Variants in NUDT9 observed in about 807,000 individuals in gnomAD.
NUDT9 encodes the protein nudix hydrolase 9.
NUDT9 carries 31 observed loss-of-function variants against 41.0 expected under a neutral mutation model. The ratio of observed to expected loss-of-function variants is 0.76; its 90% confidence interval spans 0.57 to 1.02. NUDT9 has a LOEUF of 1.02. Among genes scored for constraint, NUDT9 ranks in the 50% least tolerant of loss-of-function variants. NUDT9 has a pLI of 0.00. For missense variants in NUDT9, 380 were observed against 431.4 expected (o/e 0.88, Z 1.06); for synonymous variants, 146 against 147.6 (o/e 0.99, Z 0.08).
intron 4 of NUDT9, among the ~76,000 whole-genome samples, chr4:87,442,869 A>G (rs1722275435): frequency 6.6e-6 from 1 of 152,214 alleles, no homozygotes; most frequent in African/African-American, 2.4e-5. Flanking sequence ...TCCTATGATA[A>G]TAACGCCTTC....
intron 5 of NUDT9, among the ~76,000 whole-genome samples, chr4:87,450,946 A>T (rs1229200323): frequency 6.6e-6 from 1 of 152,206 alleles, no homozygotes; most frequent in Non-Finnish European, 1.5e-5. Flanking sequence ...CTCCCATTCC[A>T]GTTGGAGAGA....
At chr4:87,423,226 G>A (rs1294024858) in intron 1 of NUDT9, among the ~76,000 whole-genome samples, 2 of 152,146 alleles carry the variant, frequency 1.3e-5, no homozygotes, top group Admixed American at 6.5e-5. Flanking sequence ...TTTGAAATTT[G>A]CCATTCTCTG....
intron 1 of NUDT9, among the ~76,000 whole-genome samples, chr4:87,431,908 A>G (rs1467179220): frequency 6.6e-6 from 1 of 152,164 alleles, no homozygotes; most frequent in African/African-American, 2.4e-5. Context: ...CTGGTCTTGA[A>G]CTGCTGACCT....
chr4:87,439,683 A>G (rs1199512239), intron 3 of NUDT9, among the ~76,000 whole-genome samples: 1 of 152,040 alleles, frequency 6.6e-6, no homozygotes, highest in Non-Finnish European at 1.5e-5. Context: ...AAAAACCATC[A>G]GCTCTCATGA....
chr4:87,427,306 A>T (rs902500359), intron 1 of NUDT9, among the ~76,000 whole-genome samples: 12 of 152,280 alleles, frequency 7.9e-5, no homozygotes, highest in Non-Finnish European at 1.0e-4. Context: ...TGCATTTTTA[A>T]AAGTTTGCCA....
In NUDT9 at chr4:87,459,328, C is replaced by T. The variant is rs1723114864; in HGVS notation, c.*1307C>T. 6.6e-6 allele frequency: 1 copy of T among 152,106 alleles called. No individual in the cohort carries two copies. Among genetic ancestry groups the T allele is most frequent in the Non-Finnish European group, 1.5e-5 (1 of 68,030 alleles). 9.4% of individuals were successfully genotyped at this position (152,106 alleles called of 1,614,324 possible). On this transcript the variant is annotated 3_prime_UTR_variant, in exon 8 of 8. Coordinates refer to ENST00000302174, the MANE Select transcript of NUDT9 (RefSeq NM_024047.5). ...GATCAGGAAAAATAACTAATGAGTA[C>T]TAGGCTTAATACCTTGGTGATGAAA...
chr4:87,456,343 A>G (rs995787225), intron 7 of NUDT9, among the ~76,000 whole-genome samples: 4 of 152,050 alleles, frequency 2.6e-5, no homozygotes, highest in Admixed American at 2.0e-4. Context: ...TTCCTCCCCA[A>G]TCCTTAGGAA....
intron 7 of NUDT9, among the ~76,000 whole-genome samples, chr4:87,456,644 A>T (rs1723003093): frequency 6.6e-6 from 1 of 152,154 alleles, no homozygotes; most frequent in Admixed American, 6.5e-5. Flanking sequence ...TTCAGCAGTT[A>T]GTTACCCTTT....
At chr4:87,457,408 T>C (rs1454545057) in intron 7 of NUDT9, among the ~76,000 whole-genome samples, 1 of 151,982 alleles carries the variant, frequency 6.6e-6, no homozygotes, top group Non-Finnish European at 1.5e-5. Flanking sequence ...GGCTAATTTT[T>C]GTATTTTTAG....
In NUDT9 at chr4:87,446,649, C is replaced by T. The variant is rs187965278; in HGVS notation, c.531-2493C>T. Among the ~76,000 whole-genome samples the T allele has an allele frequency of 1.3e-3, 205 of 152,258 alleles. 3 individuals carry two copies. In the East Asian group the frequency reaches 0.028, roughly 21 times the overall value. On this transcript the variant is annotated intron_variant, in intron 4 of 7. Coordinates refer to ENST00000302174, the MANE Select transcript of NUDT9 (RefSeq NM_024047.5). ...TTGTCCAGGTTCAAAGTTGTGTTTA[C>T]GCCCTTGTTAACACTGTAGTCTTGG...
At chr4:87,434,608 G>C (rs978099054) in intron 1 of NUDT9, among the ~76,000 whole-genome samples, 3 of 151,482 alleles carry the variant, frequency 2.0e-5, no homozygotes, top group Non-Finnish European at 4.4e-5. Flanking sequence ...GTATGTTTTT[G>C]GGTCTTTGAA....
chr4:87,441,333 AAATAGTAATACT>A (rs1350143427), intron 3 of NUDT9, among the ~76,000 whole-genome samples: 2 of 152,240 alleles, frequency 1.3e-5, no homozygotes, highest in African/African-American at 2.4e-5. Flanking sequence ...GAAATCTATG[AAATAGTAATACT>A]AATACCTTAT....
chr4:87,424,296 G>C (rs28502849), intron 1 of NUDT9, among the ~76,000 whole-genome samples: 45,833 of 134,500 alleles, frequency 0.34, 7,707 homozygotes, highest in Middle Eastern at 0.43. Flanking sequence ...GTTTCGCTCT[G>C]TCGCCCAGGC....
chr4:87,452,519 T>C (rs911156314), intron 6 of NUDT9, among the ~76,000 whole-genome samples: 16 of 152,148 alleles, frequency 1.1e-4, no homozygotes, highest in African/African-American at 3.1e-4. Context: ...AGTGGTGTTA[T>C]GGCTCACTGC....
At chr4:87,457,236 ATTT>A (rs34596563) in intron 7 of NUDT9, among the ~76,000 whole-genome samples, 12 of 126,654 alleles carry the variant, frequency 9.5e-5, no homozygotes, top group African/African-American at 2.4e-4. Flanking sequence ...GATAATTTAA[ATTT>A]TTTTTTTTTT....
At chr4:87,442,860 C>T (rs1722275023) in intron 4 of NUDT9, among the ~76,000 whole-genome samples, 1 of 152,160 alleles carries the variant, frequency 6.6e-6, no homozygotes, top group Admixed American at 6.5e-5. Flanking sequence ...GCTGTCATCT[C>T]CTATGATAAT....
In NUDT9 at chr4:87,438,333, G is replaced by T; in HGVS notation, c.404G>T (p.Ser135Ile). 1 of 1,611,766 alleles carries T rather than the reference G, an allele frequency of 6.2e-7. No individual in the cohort carries two copies. Among genetic ancestry groups the T allele is most frequent in the Non-Finnish European group, 8.5e-7 (1 of 1,178,214 alleles). The change falls in exon 3 of 8, where the codon AGC becomes ATC. Residue 135 changes from serine (S) to isoleucine (I), a missense_variant. By Grantham distance (142) the Ser-to-Ile change is moderately radical. Transcript: ENST00000302174. ...AAGGATGGGCATGTTGAGAGAAAGA[G>T]CAAGAATGGCCTGTATGAGATTGAA... ...NEKDGHVERK[S>I]KNGLYEIENG...
At chr4:87,456,666 C>T (rs1346613942) in intron 7 of NUDT9, among the ~76,000 whole-genome samples, 1 of 152,120 alleles carries the variant, frequency 6.6e-6, no homozygotes, top group East Asian at 1.9e-4. Flanking sequence ...AGTGTTCCTA[C>T]CAGGTGCTGA....
In NUDT9 at chr4:87,457,972, G is replaced by A. The variant is rs202206117; in HGVS notation, c.1004G>A (p.Arg335Gln). Reference sequence around the variant, plus strand: ...TTCATCAAACTTGTGGCTGAGAAACGAGATGCACACTGGAGCGAGGACTCT... The same window carrying A: ...TTCATCAAACTTGTGGCTGAGAAACAAGATGCACACTGGAGCGAGGACTCT... ...SQFIKLVAEKRDAHWSEDSEA... is the reference protein window; with the variant it reads ...SQFIKLVAEKQDAHWSEDSEA... Residue 335 changes from arginine (R) to glutamine (Q), a missense_variant, in exon 8 of 8, where the codon CGA becomes CAA. Physicochemically the swap from Arg to Gln is conservative, Grantham distance 43 (BLOSUM62 1). Transcript: ENST00000302174. 90 of 1,595,348 alleles carry A rather than the reference G, an allele frequency of 5.6e-5. No homozygotes were observed. The highest frequency in any genetic ancestry group is 2.3e-5 in the East Asian group (1 of 44,040).
Sources: allele counts gnomAD v4.1 joint callset (sites outside exome capture counted in the v4.1 genomes callset), GRCh38; gene constraint gnomAD v4.1.1; transcripts MANE v1.5; gene names NCBI Gene and HGNC (gene_info 2026-07-23, HGNC 2026-07-21).